The following ST6GAL2 variants were observed in gnomAD, a reference collection of about 807,000 sequenced individuals.
The protein encoded by ST6GAL2 is ST6 beta-galactoside alpha-2,6-sialyltransferase 2.
ST6GAL2 carries 24 observed loss-of-function variants against 37.5 expected under a neutral mutation model. The observed-to-expected ratio is 0.64, with a 90% CI of 0.46 to 0.90. ST6GAL2 has a LOEUF of 0.90. Among genes scored for constraint, ST6GAL2 ranks in the 40% least tolerant of loss-of-function variants. The probability of loss-of-function intolerance (pLI) is 0.00; values close to 1 mark genes in which losing one functional copy is unlikely to be tolerated. For synonymous variants in ST6GAL2, 306 were observed against 295.1 expected (o/e 1.04, Z -0.38); for missense variants, 715 against 712.7 (o/e 1.00, Z -0.04).
intron 5 of ST6GAL2, among the ~76,000 whole-genome samples, chr2:106,810,416 T>C (rs2104415185): frequency 6.6e-6 from 1 of 152,340 alleles, no homozygotes; most frequent in South Asian, 2.1e-4. Flanking sequence ...TCCTGAGTTT[T>C]CTGCACAGTT....
At chr2:106,871,959 T>C (rs969826796) in intron 1 of ST6GAL2, among the ~76,000 whole-genome samples, 8 of 152,248 alleles carry the variant, frequency 5.3e-5, no homozygotes, top group African/African-American at 1.9e-4. Context: ...TTATAATCAT[T>C]ATCAAGTATT....
At chr2:106,864,346 G>A (rs1296119048) in intron 1 of ST6GAL2, among the ~76,000 whole-genome samples, 1 of 152,134 alleles carries the variant, frequency 6.6e-6, no homozygotes, top group African/African-American at 2.4e-5. Context: ...ACACTTCATA[G>A]GTAACTATTC....
At chr2:106,823,988 C>T (rs1676107404) in intron 5 of ST6GAL2, among the ~76,000 whole-genome samples, 1 of 152,182 alleles carries the variant, frequency 6.6e-6, no homozygotes, top group South Asian at 2.1e-4. Context: ...AGAATTTCAA[C>T]ATACAAATTT....
chr2:106,867,546 T>C (rs1312361659), intron 1 of ST6GAL2, among the ~76,000 whole-genome samples: 1 of 152,192 alleles, frequency 6.6e-6, no homozygotes, highest in African/African-American at 2.4e-5. Context: ...CGAAGTCATT[T>C]CTAAGAACCT....
At chr2:106,819,939 C>T (rs1675937520) in intron 5 of ST6GAL2, among the ~76,000 whole-genome samples, 1 of 151,920 alleles carries the variant, frequency 6.6e-6, no homozygotes, top group African/African-American at 2.4e-5. Flanking sequence ...TTGCCAACCT[C>T]ATGGTAACCT....
At chr2:106,809,261 C>T (rs370785193) in intron 5 of ST6GAL2, among the ~76,000 whole-genome samples, 185 of 152,356 alleles carry the variant, frequency 1.2e-3, no homozygotes, top group South Asian at 3.9e-3. Flanking sequence ...GACTTCATCA[C>T]GGGCATCATT....
chr2:106,843,160 G>A lies in ST6GAL2; in HGVS notation c.818C>T (p.Ala273Val), dbSNP rs1176063528. 1.3e-6 allele frequency: 2 copies of A among 1,560,326 alleles called. No homozygotes were observed. The highest frequency in any genetic ancestry group is 2.0e-5 in the Admixed American group (1 of 50,794). Residue 273 changes from alanine to valine, a missense_variant, in exon 2 of 6, where the codon GCG (alanine) becomes GTG (valine). Around this residue, in one of 3 missense-constraint regions of ST6GAL2, gnomAD observed 512 missense variants for 488.8 expected, o/e 1.05. Transcript: ENST00000409382. ...TLDGTEAPFS[A>V]LGWRRLVPAV... ...GGGCACCAGGCGCCGCCAGCCCAGC[G>A]CAGAAAAGGGCGCCTCGGTGCCGTC...
chr2:106,834,271 T>C, intron 2 of ST6GAL2, 125 bp from the exon 3 acceptor site: 1 of 650,580 alleles, frequency 1.5e-6, no homozygotes, highest in East Asian at 2.8e-5. Context: ...AGTTAAGATA[T>C]GCCCACATGA....
At chr2:106,830,343 A>G in intron 4 of ST6GAL2, 103 bp from the exon 5 acceptor site, 1 of 891,464 alleles carries the variant, frequency 1.1e-6, no homozygotes, top group South Asian at 1.6e-5. Flanking sequence ...GGCTGGGGCT[A>G]GAGGATGGGG....
At chr2:106,809,726 G>C (rs1558673597) in intron 5 of ST6GAL2, among the ~76,000 whole-genome samples, 1 of 152,192 alleles carries the variant, frequency 6.6e-6, no homozygotes, top group East Asian at 1.9e-4. Context: ...TTAGGTGAAA[G>C]GCCAGTTAGA....
At chr2:106,877,581 C>A (rs1239799859) in intron 1 of ST6GAL2, among the ~76,000 whole-genome samples, 1 of 152,124 alleles carries the variant, frequency 6.6e-6, no homozygotes. Flanking sequence ...CTGTCAGTAC[C>A]AAATGAAGAA....
chr2:106,861,075 G>C (rs1448121), intron 1 of ST6GAL2, among the ~76,000 whole-genome samples: 8,856 of 152,162 alleles, frequency 0.058, 815 homozygotes, highest in African/African-American at 0.2. Flanking sequence ...AAGAGTAGAA[G>C]AGTGAGACCC....
chr2:106,880,220 C>G (rs892473314), intron 1 of ST6GAL2, among the ~76,000 whole-genome samples: 2 of 151,890 alleles, frequency 1.3e-5, no homozygotes, highest in Non-Finnish European at 2.9e-5. Context: ...ATTATTTTGC[C>G]TATGTCTATA....
intron 5 of ST6GAL2, among the ~76,000 whole-genome samples, chr2:106,807,798 G>A (rs1028205578): frequency 6.6e-6 from 1 of 151,832 alleles, no homozygotes; most frequent in East Asian, 1.9e-4. Flanking sequence ...CTAATATTTT[G>A]TATTTTTAGT....
chr2:106,856,598 G>T (rs934653392), intron 1 of ST6GAL2, among the ~76,000 whole-genome samples: 2 of 152,184 alleles, frequency 1.3e-5, no homozygotes, highest in Non-Finnish European at 2.9e-5. Flanking sequence ...TACCATTTCA[G>T]TTTCCTTCAC....
rs377166692 is a variant in ST6GAL2, at chr2:106,843,632, C to T, written c.346G>A (p.Val116Met). 7 of 1,613,726 alleles carry T rather than the reference C, an allele frequency of 4.3e-6. No homozygotes were observed. The highest frequency in any genetic ancestry group is 5.9e-6 in the Non-Finnish European group (7 of 1,180,028). The change falls in exon 2 of 6, where the codon GTG (valine) becomes ATG (methionine). Residue 116 changes from valine to methionine, a missense_variant. Physicochemically the swap from Val to Met is conservative, Grantham distance 21. This residue lies in a region of ST6GAL2 where 512 missense variants were observed against 488.8 expected (regional missense o/e 1.05). Coordinates refer to ENST00000409382, the MANE Select transcript of ST6GAL2 (RefSeq NM_001142351.2). ...AAAGCACTTTGAGATTTTCTCCCCA[C>T]CTGGGATGAAAAAAACTCTTTATGT... Reference protein sequence around the residue: ...FEHKEFFSSQVGRKSQSAFYP... With the variant: ...FEHKEFFSSQMGRKSQSAFYP...
At chr2:106,842,698 T>G (rs1274195349) in intron 2 of ST6GAL2, among the ~76,000 whole-genome samples, 1 of 152,112 alleles carries the variant, frequency 6.6e-6, no homozygotes, top group African/African-American at 2.4e-5. Flanking sequence ...GGATACGAAG[T>G]CTGAACAGTG....
chr2:106,861,081 G>GACCC (rs1173857263), intron 1 of ST6GAL2, among the ~76,000 whole-genome samples: 3 of 152,108 alleles, frequency 2.0e-5, no homozygotes, highest in Non-Finnish European at 4.4e-5. Flanking sequence ...AGAAGAGTGA[G>GACCC]ACCCTAATTG....
chr2:106,833,972 G>A (rs905746834), intron 3 of ST6GAL2, 77 bp downstream of exon 3: 12 of 1,077,522 alleles, frequency 1.1e-5, no homozygotes, highest in East Asian at 9.8e-5. Context: ...TCACTCATCC[G>A]GTTAAACTCA....
Sources: gnomAD v4.1 joint callset for allele counts (sites outside exome capture counted in the v4.1 genomes callset) on GRCh38, gnomAD v4.1.1 for gene constraint, gnomAD v4.1.1 regional missense constraint, MANE v1.5 for transcripts, NCBI Gene and HGNC (gene_info 2026-07-23, HGNC 2026-07-21) for gene names.